Variants in FOLH1 observed in about 807,000 individuals in gnomAD.
FOLH1 encodes glutamate carboxypeptidase 2.
FOLH1 carries 54 observed loss-of-function variants against 93.9 expected under a neutral mutation model. The ratio of observed to expected loss-of-function variants is 0.57; its 90% CI spans 0.46 to 0.72. The LOEUF is 0.72. FOLH1 is among the 30% of genes least tolerant of loss of function. The pLI is 0.00. For synonymous variants in FOLH1, 249 were observed against 303.6 expected (o/e 0.82, Z 1.87); for missense variants, 571 against 892.5 (o/e 0.64, Z 4.59).
In FOLH1 at chr11:49,153,835, G is replaced by A; in HGVS notation, c.1970+11C>T. ...CACATACACACATATGCACATATAT[G>A]TAGAACATACTTGCTTTTGTCAAAG... On this transcript the variant is annotated intron_variant, in intron 17 of 18. Transcript: ENST00000256999. The A allele has an allele frequency of 6.3e-7, 1 of 1,586,482 alleles. No homozygotes were observed. The highest frequency in any genetic ancestry group is 8.6e-7 in the Non-Finnish European group (1 of 1,163,816).
chr11:49,161,758 T>TG, intron 13 of FOLH1, among the ~76,000 whole-genome samples: 1 of 152,226 alleles, frequency 6.6e-6, no homozygotes, highest in Non-Finnish European at 1.5e-5. Context: ...TCGTGGATGG[T>TG]GATAGTCTTT....
Position 49,177,730 on chromosome 11 carries a change from C to T in FOLH1, c.921-1773G>A, listed in dbSNP as rs373626856. Among the ~76,000 whole-genome samples the T allele has an allele frequency of 1.5e-4, 22 of 146,680 alleles. No individual in the cohort carries two copies. In the East Asian group the frequency reaches 3.9e-3, roughly 26 times the overall value. On this transcript the variant is annotated intron_variant, in intron 7 of 18. Transcript: ENST00000256999. ...TGGGAGGGCGAGGCAAGCGGATCAC[C>T]TGAGGTCGGGAGTTTGAGATCAGCC...
chr11:49,157,722 C>T (rs1357351432), intron 14 of FOLH1, among the ~76,000 whole-genome samples: 1 of 151,986 alleles, frequency 6.6e-6, no homozygotes, highest in Non-Finnish European at 1.5e-5. Context: ...TGAAATGTTC[C>T]ATATGTATAT....
At chr11:49,156,934 T>G (rs1321953386) in intron 14 of FOLH1, 127 bp from the exon 15 acceptor site, 2 of 1,471,082 alleles carry the variant, frequency 1.4e-6, no homozygotes, top group Admixed American at 2.2e-5. Context: ...GCTTTAGACA[T>G]GCAGCAAAAA....
At chr11:49,161,832 C>A (rs182067492) in intron 13 of FOLH1, among the ~76,000 whole-genome samples, 2 of 152,312 alleles carry the variant, frequency 1.3e-5, no homozygotes, top group Admixed American at 1.3e-4. Context: ...GTAACAAATT[C>A]CCTCAGCATT....
chr11:49,147,945 G>A (rs1455687299), intron 18 of FOLH1, among the ~76,000 whole-genome samples: 3 of 151,780 alleles, frequency 2.0e-5, no homozygotes, highest in Non-Finnish European at 4.4e-5. Context: ...AAAAGGGGGG[G>A]TGGGGGATGG....
At chr11:49,198,684 C>T (rs1227173280) in intron 3 of FOLH1, among the ~76,000 whole-genome samples, 1 of 151,948 alleles carries the variant, frequency 6.6e-6, no homozygotes, top group Non-Finnish European at 1.5e-5. Context: ...AGATATGCCA[C>T]CACTTATTTA....
chr11:49,186,945 G>A (rs1861455020), intron 4 of FOLH1, among the ~76,000 whole-genome samples, 176 bp from the exon 5 acceptor site: 1 of 152,090 alleles, frequency 6.6e-6, no homozygotes, highest in African/African-American at 2.4e-5. Context: ...ATTGAGAATG[G>A]AATTAGATGG....
At chr11:49,176,150 C>G (rs903601535) in intron 7 of FOLH1, among the ~76,000 whole-genome samples, 193 bp from the exon 8 acceptor site, 1 of 152,104 alleles carries the variant, frequency 6.6e-6, no homozygotes, top group African/African-American at 2.4e-5. Context: ...AGATGGGGCA[C>G]AGGAGGCTTA....
intron 1 of FOLH1, chr11:49,206,700 G>C: frequency 7.2e-7 from 1 of 1,381,374 alleles, no homozygotes; most frequent in Non-Finnish European, 9.9e-7. Flanking sequence ...AAAACAAAAT[G>C]CTGTGAGAGT....
chr11:49,177,609 C>A (rs1303120695), intron 7 of FOLH1, among the ~76,000 whole-genome samples: 3 of 151,630 alleles, frequency 2.0e-5, no homozygotes, highest in Non-Finnish European at 4.4e-5. Flanking sequence ...CATAGATTAG[C>A]AAGCTGAAAG....
intron 7 of FOLH1, among the ~76,000 whole-genome samples, chr11:49,179,214 G>A (rs1174296668): frequency 6.6e-6 from 1 of 152,232 alleles, no homozygotes; most frequent in Non-Finnish European, 1.5e-5. Flanking sequence ...CATAGAGCAA[G>A]TGTAAGGCAT....
At chr11:49,189,200 G>A (rs1422640117) in intron 4 of FOLH1, among the ~76,000 whole-genome samples, 1 of 152,158 alleles carries the variant, frequency 6.6e-6, no homozygotes, top group East Asian at 1.9e-4. Context: ...CAGGGTAATT[G>A]ATGATCTGCA....
At chr11:49,192,957 A>G in intron 3 of FOLH1, 63 bp from the exon 4 acceptor site, 2 of 1,371,378 alleles carry the variant, frequency 1.5e-6, no homozygotes, top group South Asian at 1.5e-5. Context: ...GTAATCAAAC[A>G]CAAAAAAAAT....
intron 13 of FOLH1, among the ~76,000 whole-genome samples, chr11:49,160,115 T>C (rs1437576378): frequency 6.6e-6 from 1 of 152,080 alleles, no homozygotes; most frequent in Non-Finnish European, 1.5e-5. Context: ...TTTATGTGCA[T>C]AGAGGTGTTT....
chr11:49,186,145 G>A lies in FOLH1; in HGVS notation c.640-290C>T, dbSNP rs187453785. 8 of 355,356 alleles carry A rather than the reference G, an allele frequency of 2.3e-5. No individual in the cohort carries two copies. The Admixed American group carries it at 4.0e-4, about 18-fold the overall frequency. 22.0% of individuals were successfully genotyped at this position (355,356 alleles called of 1,614,324 possible). On this transcript the variant is annotated intron_variant, in intron 5 of 18. Coordinates refer to ENST00000256999, the MANE Select transcript of FOLH1 (RefSeq NM_004476.3). ...TATAATAAGCAAGTAGACCCCACAG[G>A]CCAAATTCCTATTTGTTCTACAGTC...
intron 9 of FOLH1, among the ~76,000 whole-genome samples, chr11:49,174,152 C>T (rs766026242): frequency 6.6e-6 from 1 of 152,086 alleles, no homozygotes; most frequent in African/African-American, 2.4e-5. Context: ...AATAGGTACT[C>T]GGTATTATTC....
chr11:49,207,936 A>AAAAC (rs71454047), intron 1 of FOLH1: 9 of 487,848 alleles, frequency 1.8e-5, no homozygotes, highest in East Asian at 5.7e-5. Context: ...GAGAGGTAAA[A>AAAAC]AAACAAACAA....
At chr11:49,203,230 A>G (rs1474522806) in intron 2 of FOLH1, among the ~76,000 whole-genome samples, 1 of 152,226 alleles carries the variant, frequency 6.6e-6, no homozygotes, top group African/African-American at 2.4e-5. Context: ...ATCTTGCAAA[A>G]CAATGTGGAA....
Sources: gnomAD v4.1 joint callset for allele counts (sites outside exome capture counted in the v4.1 genomes callset) on GRCh38, gnomAD v4.1.1 for gene constraint, MANE v1.5 for transcripts, NCBI Gene and HGNC (gene_info 2026-07-23, HGNC 2026-07-21) for gene names.